EXOSC8: variants seen among roughly 807,000 people sequenced by gnomAD.
The protein encoded by EXOSC8 is exosome complex component RRP43.
EXOSC8 carries 37 observed loss-of-function variants against 39.9 expected under a neutral mutation model. The observed-to-expected ratio is 0.93, with a 90% CI of 0.71 to 1.22. The LOEUF is 1.22. EXOSC8 is among the 50% of genes most tolerant of loss of function. EXOSC8 has a pLI of 0.00. For missense variants in EXOSC8, 313 were observed against 326.6 expected (o/e 0.96, Z 0.32); for synonymous variants, 93 against 109.5 (o/e 0.85, Z 0.94).
At position 37,009,513 on chromosome 13, in the gene EXOSC8, GT is replaced by G; in HGVS notation, c.*219del. ...CCCTAGTTTGTTAAACCATTTCCCT[GT>G]TTTTATTTAAAAATGATAAGGTTGT... On this transcript the variant is annotated 3_prime_UTR_variant, in exon 11 of 11. Coordinates refer to ENST00000389704, the MANE Select transcript of EXOSC8 (RefSeq NM_181503.3). 1.0e-6 allele frequency: 1 copy of G among 996,030 alleles called. No homozygotes were observed. Among genetic ancestry groups the G allele is most frequent in the Non-Finnish European group, 1.5e-6 (1 of 666,672 alleles). The allele number at this position is 996,030 out of a possible 1,614,324, so 61.7% of individuals were successfully genotyped here.
At chr13:37,002,841 AC>A in intron 3 of EXOSC8, 92 bp from the exon 4 acceptor site, 1 of 844,980 alleles carries the variant, frequency 1.2e-6, no homozygotes, top group South Asian at 1.4e-5. Flanking sequence ...ATAATCGTAC[AC>A]AGCAAACTAA....
chr13:37,000,945 C>G (rs2059096329), intron 1 of EXOSC8, 123 bp downstream of exon 1: 7 of 1,219,990 alleles, frequency 5.7e-6, no homozygotes, highest in Non-Finnish European at 7.8e-6. Context: ...CCTTCCTCGT[C>G]GAGGCAGACG....
rs916358328 is a variant in EXOSC8, at chr13:37,009,470, A to G, written c.*171A>G. The stretch of plus-strand genomic sequence containing the variant: ...ATAGTGAAACCATTTTTAAAAAGCA[A>G]TGACTTAGGCAAACCAACCCTAGTT... On this transcript the variant is annotated 3_prime_UTR_variant, in exon 11 of 11. Coordinates refer to ENST00000389704, the MANE Select transcript of EXOSC8 (RefSeq NM_181503.3). The G allele has an allele frequency of 9.0e-6, 7 of 780,474 alleles. No homozygotes were observed. Among genetic ancestry groups the G allele is most frequent in the South Asian group, 5.6e-5 (3 of 53,782 alleles). The allele number at this position is 780,474 out of a possible 1,614,324, so 48.3% of individuals were successfully genotyped here.
chr13:37,008,099 C>T lies in EXOSC8; in HGVS notation c.530C>T (p.Ala177Val). 6.3e-7 allele frequency: 1 copy of T among 1,595,302 alleles called. No individual in the cohort carries two copies. Among genetic ancestry groups the T allele is most frequent in the Non-Finnish European group, 8.5e-7 (1 of 1,170,442 alleles). The change falls in exon 9 of 11, where the codon GCA (alanine) becomes GTA (valine). Residue 177 changes from alanine (A) to valine (V), a missense_variant. Physicochemically the swap from Ala to Val is moderately conservative, Grantham distance 64. Coordinates refer to ENST00000389704, the MANE Select transcript of EXOSC8 (RefSeq NM_181503.3). ...ACTATAAATGAAGAAACTGCTTTAGCAGAAGTTAATTTAAAGAAGAAAAGT... is the reference window on the plus strand; with the variant it reads ...ACTATAAATGAAGAAACTGCTTTAGTAGAAGTTAATTTAAAGAAGAAAAGT... ...EVTINEETAL[A>V]EVNLKKKSYL...
At chr13:37,008,576 G>A (rs1441286812) in intron 9 of EXOSC8, among the ~76,000 whole-genome samples, 153 bp from the exon 10 acceptor site, 1 of 152,206 alleles carries the variant, frequency 6.6e-6, no homozygotes, top group African/African-American at 2.4e-5. Context: ...CCAACATGTT[G>A]AAACCCTGTC....
chr13:37,008,059 C>A lies in EXOSC8; in HGVS notation c.490C>A (p.Gln164Lys). 6.3e-7 allele frequency: 1 copy of A among 1,587,644 alleles called. No homozygotes were observed. The highest frequency in any genetic ancestry group is 8.6e-7 in the Non-Finnish European group (1 of 1,164,828). Residue 164 changes from glutamine (Q) to lysine (K), a missense_variant and splice_region_variant, in exon 9 of 11, where the codon CAG (glutamine) becomes AAG (lysine). Physicochemically the swap from Gln to Lys is moderately conservative, Grantham distance 53. Transcript: ENST00000389704. Reference sequence around the variant, plus strand: ...TTTACAAATTTGCCTTTTCTTAGTACAGTTGCCTGAAGTTACTATAAATGA... The same window carrying A: ...TTTACAAATTTGCCTTTTCTTAGTAAAGTTGCCTGAAGTTACTATAAATGA... ...FALLAALKNV[Q>K]LPEVTINEET...
chr13:37,009,538 G>C lies in EXOSC8; in HGVS notation c.*239G>C. ...GTTTTTATTTAAAAATGATAAGGTT[G>C]TGCTTCTGTATAAAGTTTGTACATC... On this transcript the variant is annotated 3_prime_UTR_variant, in exon 11 of 11. Transcript: ENST00000389704. The C allele has an allele frequency of 2.7e-6, 3 of 1,106,830 alleles. No individual in the cohort carries two copies. Among genetic ancestry groups the C allele is most frequent in the Non-Finnish European group, 4.0e-6 (3 of 741,394 alleles). 68.6% of individuals were successfully genotyped at this position (1,106,830 alleles called of 1,614,324 possible).
chr13:37,002,698 T>TA, intron 3 of EXOSC8, 147 bp downstream of exon 3: 1 of 667,988 alleles, frequency 1.5e-6, no homozygotes, highest in Non-Finnish European at 2.6e-6. Context: ...AAAAGCCCTG[T>TA]AACTAAATGA....
chr13:37,003,526 G>A (rs2059119611), intron 4 of EXOSC8: 1 of 153,020 alleles, frequency 6.5e-6, no homozygotes, highest in South Asian at 2.1e-4. Flanking sequence ...AGGTACATAA[G>A]ACTCATAAGT....
Position 37,009,197 on chromosome 13 carries a change from A to ACC in EXOSC8, c.729_730insCC (p.Thr244ProfsTer10). The ACC allele has an allele frequency of 3.1e-6, 5 of 1,609,348 alleles. No homozygotes were observed. The highest frequency in any genetic ancestry group is 4.2e-6 in the Non-Finnish European group (5 of 1,177,648). ...ATAATTTTTCAGGTGGAAGTGGGCTAACTGGAGCTAAACTTCAGGACTGTA... is the reference window on the plus strand; with the variant it reads ...ATAATTTTTCAGGTGGAAGTGGGCTACCACTGGAGCTAAACTTCAGGACTGTA... On this transcript the variant is annotated frameshift_variant, in exon 11 of 11. Transcript: ENST00000389704. LOFTEE classifies it high-confidence loss of function.
At position 37,009,419 on chromosome 13, in the gene EXOSC8, T is replaced by G. The variant is rs2059210967; in HGVS notation, c.*120T>G. ...TTCTGAAAGATGTTTCTATTATTTC[T>G]TAGGTCACTTCCATATATATTATGT... On this transcript the variant is annotated 3_prime_UTR_variant, in exon 11 of 11. Coordinates refer to ENST00000389704, the MANE Select transcript of EXOSC8 (RefSeq NM_181503.3). 1 of 752,704 alleles carries G rather than the reference T, an allele frequency of 1.3e-6. No homozygotes were observed. The highest frequency in any genetic ancestry group is 2.2e-6 in the Non-Finnish European group (1 of 458,842). 46.6% of individuals were successfully genotyped at this position (752,704 alleles called of 1,614,324 possible).
At position 37,009,506 on chromosome 13, in the gene EXOSC8, T is replaced by G; in HGVS notation, c.*207T>G. On this transcript the variant is annotated 3_prime_UTR_variant, in exon 11 of 11. Coordinates refer to ENST00000389704, the MANE Select transcript of EXOSC8 (RefSeq NM_181503.3). ...AAACCAACCCTAGTTTGTTAAACCA[T>G]TTCCCTGTTTTTATTTAAAAATGAT... 1 of 951,294 alleles carries G rather than the reference T, an allele frequency of 1.1e-6. No homozygotes were observed. The allele number at this position is 951,294 out of a possible 1,614,324, so 58.9% of individuals were successfully genotyped here.
rs2059163129 is a variant in EXOSC8 at position 37,008,184 on chromosome 13, T to A, written c.608+7T>A. ...CCTTTGCTGTGTTTGATGAGTAAGTTAATCAAACTTACTTTAAAATTTTCT... is the reference window on the plus strand; with the variant it reads ...CCTTTGCTGTGTTTGATGAGTAAGTAAATCAAACTTACTTTAAAATTTTCT... On this transcript the variant is annotated splice_region_variant and intron_variant, in intron 9 of 10. Transcript: ENST00000389704. 1 of 1,589,466 alleles carries A rather than the reference T, an allele frequency of 6.3e-7. No homozygotes were observed. The highest frequency in any genetic ancestry group is 8.6e-7 in the Non-Finnish European group (1 of 1,168,298).
At chr13:37,008,700 T>C in intron 9 of EXOSC8, 29 bp from the exon 10 acceptor site, 1 of 1,393,884 alleles carries the variant, frequency 7.2e-7, no homozygotes, top group Non-Finnish European at 1.0e-6. Flanking sequence ...TTCCATGGAT[T>C]GATAACTTAT....
In EXOSC8 at chr13:37,004,546, G is replaced by A. The variant is rs1222894649; in HGVS notation, c.223G>A (p.Asp75Asn). 16 of 1,604,864 alleles carry A rather than the reference G, an allele frequency of 1.0e-5. No individual in the cohort carries two copies. The highest frequency in any genetic ancestry group is 1.7e-6 in the Non-Finnish European group (2 of 1,172,672). Residue 75 changes from aspartate to asparagine, a missense_variant, in exon 5 of 11, where the codon GAT (aspartate) becomes AAT (asparagine). Coordinates refer to ENST00000389704, the MANE Select transcript of EXOSC8 (RefSeq NM_181503.3). ...TGCAGCACCATCAACAGATGCCCCT[G>A]ATAAAGGATACGTTGGTAAGTTAAA... ...EFAAPSTDAP[D>N]KGYVVPNVDL...
rs606231285 is a variant in EXOSC8 at position 37,000,810 on chromosome 13, C to T, written c.5C>T (p.Ala2Val). 3.2e-6 allele frequency: 5 copies of T among 1,581,236 alleles called. No homozygotes were observed. Among genetic ancestry groups the T allele is most frequent in the Admixed American group, 1.8e-5 (1 of 55,554 alleles). Reference sequence around the variant, plus strand: ...CGCAGACGCGCGGGCGGGAAGATGGCGGCTGGGTTCAAGTGAGTGTTGGCG... The same window carrying T: ...CGCAGACGCGCGGGCGGGAAGATGGTGGCTGGGTTCAAGTGAGTGTTGGCG... MAAGFKTVEPLE... is the reference protein window; with the variant it reads MVAGFKTVEPLE... The change falls in exon 1 of 11, where the codon GCG becomes GTG. Residue 2 changes from alanine (A) to valine (V), a missense_variant. By Grantham distance (64) the Ala-to-Val change is moderately conservative. Coordinates refer to ENST00000389704, the MANE Select transcript of EXOSC8 (RefSeq NM_181503.3).
intron 10 of EXOSC8, among the ~76,000 whole-genome samples, 157 bp downstream of exon 10, chr13:37,008,992 T>G (rs894420600): frequency 6.6e-6 from 1 of 152,238 alleles, no homozygotes; most frequent in African/African-American, 2.4e-5. Flanking sequence ...TAATGGTATA[T>G]GTCAGTGGTT....
intron 5 of EXOSC8, among the ~76,000 whole-genome samples, chr13:37,005,144 TAA>T (rs1408050860): frequency 6.6e-6 from 1 of 152,144 alleles, no homozygotes. Context: ...GGAATTTTTT[TAA>T]GTCAAAGAAC....
chr13:37,000,787 C>G lies in EXOSC8; in HGVS notation c.-19C>G. Reference sequence around the variant, plus strand: ...GCGCAGGAGAGGAGCGGCGCAGGCGCAGACGCGCGGGCGGGAAGATGGCGG... The same window carrying G: ...GCGCAGGAGAGGAGCGGCGCAGGCGGAGACGCGCGGGCGGGAAGATGGCGG... On this transcript the variant is annotated 5_prime_UTR_variant, in exon 1 of 11. Transcript: ENST00000389704. 3.8e-6 allele frequency: 6 copies of G among 1,577,440 alleles called. No individual in the cohort carries two copies. The highest frequency in any genetic ancestry group is 5.2e-6 in the Non-Finnish European group (6 of 1,162,058).
Sources: gnomAD v4.1 joint callset for allele counts (sites outside exome capture counted in the v4.1 genomes callset) on GRCh38, gnomAD v4.1.1 for gene constraint, MANE v1.5 for transcripts, NCBI Gene and HGNC (gene_info 2026-07-23, HGNC 2026-07-21) for gene names.